Variants in CDH12 observed in about 807,000 individuals in gnomAD.
CDH12 encodes the protein cadherin 12, also known as cadherin-12.
Under a neutral mutation model 74.1 loss-of-function variants are expected in CDH12, and 41 were observed. That is an observed-to-expected ratio of 0.55 (90% CI 0.43 to 0.72). CDH12 has a LOEUF of 0.72. Ranked by LOEUF, CDH12 falls within the 30% of genes least tolerant of loss-of-function variation. CDH12 has a pLI of 0.00. For missense variants in CDH12, 945 were observed against 977.2 expected (o/e 0.97, Z 0.44); for synonymous variants, 399 against 355.0 (o/e 1.12, Z -1.39).
chr5:22,193,787 T>G (rs1750442203), intron 4 of CDH12, among the ~76,000 whole-genome samples: 2 of 151,934 alleles, frequency 1.3e-5, no homozygotes. Context: ...ACTGTACTCT[T>G]TCACTGCAGT....
intron 3 of CDH12, among the ~76,000 whole-genome samples, chr5:22,304,325 G>A (rs562200935): frequency 2.6e-5 from 4 of 152,094 alleles, no homozygotes; most frequent in Admixed American, 2.6e-4. Flanking sequence ...ATAGAATTAA[G>A]CTCTTTCTAT....
At chr5:22,754,729 G>T (rs904600729) in intron 1 of CDH12, among the ~76,000 whole-genome samples, 3 of 152,128 alleles carry the variant, frequency 2.0e-5, no homozygotes, top group African/African-American at 7.2e-5. Context: ...TTTAGATGTT[G>T]ATTCTTATTT....
At chr5:21,811,675 T>C (rs2149937329) in intron 9 of CDH12, among the ~76,000 whole-genome samples, 1 of 151,048 alleles carries the variant, frequency 6.6e-6, no homozygotes, top group South Asian at 2.1e-4. Context: ...ATTAGTGTTT[T>C]ATTGCTATAA....
rs537288131 is a variant in CDH12, at chr5:22,733,653, C to T, written c.-523+119405G>A. The stretch of plus-strand genomic sequence containing the variant: ...TCTTCTTCCCTCATAAGCCCAAGTC[C>T]GTGAAATGAACAATACATGTTGTAG... On this transcript the variant is annotated intron_variant, in intron 1 of 14. Coordinates refer to ENST00000382254, the MANE Select transcript of CDH12 (RefSeq NM_004061.5). 7.3e-5 allele frequency among the ~76,000 whole-genome samples: 11 copies of T among 151,648 alleles called. 1 individual carries two copies. Among genetic ancestry groups the T allele is most frequent in the Admixed American group, 2.0e-4 (3 of 15,194 alleles).
chr5:22,623,122 A>C (rs959619371), intron 1 of CDH12, among the ~76,000 whole-genome samples: 1 of 152,206 alleles, frequency 6.6e-6, no homozygotes, highest in Non-Finnish European at 1.5e-5. Flanking sequence ...TTCAACAGCC[A>C]TTCATGCTAA....
At chr5:22,018,032 T>TA (rs1737712081) in intron 5 of CDH12, among the ~76,000 whole-genome samples, 1 of 152,156 alleles carries the variant, frequency 6.6e-6, no homozygotes, top group African/African-American at 2.4e-5. Flanking sequence ...GTGCTGGGAT[T>TA]ACAGGCATGA....
chr5:22,749,186 A>G (rs1404894826), intron 1 of CDH12, among the ~76,000 whole-genome samples: 2 of 152,226 alleles, frequency 1.3e-5, no homozygotes, highest in African/African-American at 4.8e-5. Flanking sequence ...TGAAAGTATG[A>G]TCAGCAGCAA....
chr5:22,447,395 GT>G (rs1429528382), intron 2 of CDH12, among the ~76,000 whole-genome samples: 2 of 151,936 alleles, frequency 1.3e-5, no homozygotes, highest in Non-Finnish European at 2.9e-5. Flanking sequence ...ACAGATCAAA[GT>G]TTATTAGTTA....
intron 2 of CDH12, among the ~76,000 whole-genome samples, chr5:22,420,468 A>G (rs974917761): frequency 6.6e-6 from 1 of 152,152 alleles, no homozygotes; most frequent in African/African-American, 2.4e-5. Context: ...GATTTGTCAA[A>G]GACTGGATGA....
rs531028252 is a variant in CDH12 at position 22,099,700 on chromosome 5, G to A, written c.-186-20838C>T. On this transcript the variant is annotated intron_variant, in intron 4 of 14. Transcript: ENST00000382254. ...AAGCCATCACAGCTGATATCTCCTG[G>A]TGCTACCCCCAAACTGCCACTCTTA... 2.1e-3 allele frequency among the ~76,000 whole-genome samples: 325 copies of A among 152,188 alleles called. 2 individuals carry two copies. The highest frequency in any genetic ancestry group is 1.9e-3 in the Non-Finnish European group (131 of 68,016).
At chr5:22,752,074 A>T (rs1745608247) in intron 1 of CDH12, among the ~76,000 whole-genome samples, 1 of 152,182 alleles carries the variant, frequency 6.6e-6, no homozygotes, top group Admixed American at 6.5e-5. Flanking sequence ...AGCAAATCTC[A>T]TACTAGCTAT....
chr5:22,313,173 C>A (rs1286423099), intron 3 of CDH12, among the ~76,000 whole-genome samples: 1 of 152,146 alleles, frequency 6.6e-6, no homozygotes, highest in Non-Finnish European at 1.5e-5. Context: ...GCCCTAAAGA[C>A]TTCTGAAGTT....
chr5:21,790,871 G>A (rs1746455523), intron 10 of CDH12, among the ~76,000 whole-genome samples: 1 of 151,884 alleles, frequency 6.6e-6, no homozygotes, highest in Non-Finnish European at 1.5e-5. Flanking sequence ...GAACTATGAA[G>A]CTCCCACACA....
chr5:22,135,177 G>A (rs1746384701), intron 4 of CDH12, among the ~76,000 whole-genome samples: 1 of 137,456 alleles, frequency 7.3e-6, no homozygotes, highest in Non-Finnish European at 1.5e-5. Context: ...ACGAAGAGCA[G>A]TTATTCACAT....
chr5:22,349,616 C>T (rs1740269412), intron 3 of CDH12, among the ~76,000 whole-genome samples: 1 of 152,188 alleles, frequency 6.6e-6, no homozygotes, highest in Admixed American at 6.5e-5. Context: ...TTATGTCACA[C>T]TTCCAACCAA....
At chr5:22,738,877 C>T (rs1175632104) in intron 1 of CDH12, among the ~76,000 whole-genome samples, 1 of 151,988 alleles carries the variant, frequency 6.6e-6, no homozygotes, top group African/African-American at 2.4e-5. Context: ...AGCATCACCT[C>T]TTCCTGGTTC....
At chr5:22,767,750 T>C (rs1746596624) in intron 1 of CDH12, among the ~76,000 whole-genome samples, 1 of 151,984 alleles carries the variant, frequency 6.6e-6, no homozygotes, top group Non-Finnish European at 1.5e-5. Flanking sequence ...TCAAAATATA[T>C]TGTTTAAAAG....
rs1013851865 is a variant in CDH12 at position 21,804,259 on chromosome 5, A to G, written c.1003-1839T>C. Among the ~76,000 whole-genome samples the G allele has an allele frequency of 4.6e-5, 7 of 152,186 alleles. 1 individual carries two copies. The highest frequency in any genetic ancestry group is 4.6e-4 in the Admixed American group (7 of 15,276). ...TATGCATAATATGCGATGGTTGATA[A>G]TGTGGCCTTTGATGACATGAATAGA... On this transcript the variant is annotated intron_variant, in intron 9 of 14. Coordinates refer to ENST00000382254, the MANE Select transcript of CDH12 (RefSeq NM_004061.5).
At chr5:22,069,435 A>G (rs2150214846) in intron 5 of CDH12, among the ~76,000 whole-genome samples, 1 of 152,284 alleles carries the variant, frequency 6.6e-6, no homozygotes, top group Non-Finnish European at 1.5e-5. Flanking sequence ...ATAAATCTCA[A>G]GCCAGAAGTG....
Sources: gnomAD v4.1 joint callset for allele counts (sites outside exome capture counted in the v4.1 genomes callset) on GRCh38, gnomAD v4.1.1 for gene constraint, MANE v1.5 for transcripts, NCBI Gene and HGNC (gene_info 2026-07-23, HGNC 2026-07-21) for gene names.